Variants in RASSF8 observed in about 807,000 individuals in gnomAD.
RASSF8 encodes Ras association domain family member 8, also known as ras association domain-containing protein 8.
Under a neutral mutation model 48.5 loss-of-function variants are expected in RASSF8, and 22 were observed. That is an observed-to-expected ratio of 0.45 (90% CI 0.32 to 0.65). The LOEUF is 0.65. RASSF8 is among the 30% of genes least tolerant of loss of function. The probability of loss-of-function intolerance (pLI) is 0.03; values close to 1 mark genes in which losing one functional copy is unlikely to be tolerated. For missense variants in RASSF8, 418 were observed against 489.2 expected, an observed-to-expected ratio of 0.85 and a Z score of 1.37; for synonymous variants, 127 against 171.5, an observed-to-expected ratio of 0.74 and a Z score of 2.03.
At chr12:26,037,364 C>G (rs1243567224) in intron 2 of RASSF8, among the ~76,000 whole-genome samples, 1 of 152,270 alleles carries the variant, frequency 6.6e-6, no homozygotes, top group East Asian at 1.9e-4. Context: ...CTTTGGTACA[C>G]TCTTTAAAAA....
chr12:26,022,178 C>T (rs1200386918), intron 2 of RASSF8, among the ~76,000 whole-genome samples: 1 of 152,052 alleles, frequency 6.6e-6, no homozygotes, highest in Admixed American at 6.5e-5. Context: ...CAAAGCTGAG[C>T]GGGATACCAG....
Position 26,069,372 on chromosome 12 carries a change from A to G in RASSF8, c.*554A>G. The G allele has an allele frequency of 1.0e-6, 1 of 985,094 alleles. No individual in the cohort carries two copies. Among genetic ancestry groups the G allele is most frequent in the Non-Finnish European group, 1.2e-6 (1 of 829,618 alleles). 61.0% of individuals were successfully genotyped at this position (985,094 alleles called of 1,614,324 possible). A position where few individuals can be genotyped will look rare whatever the true frequency, so the allele number is the denominator to read the frequency against. ...GCTAACTCCACAGGAAGCCACTTGC[A>G]TTTGTTTTGTGAAACTGTCCTAGCC... On this transcript the variant is annotated 3_prime_UTR_variant, in exon 6 of 6. Coordinates refer to ENST00000689635, the MANE Select transcript of RASSF8 (RefSeq NM_001394098.1).
At chr12:26,063,898 G>A (rs1390615487) in intron 3 of RASSF8, among the ~76,000 whole-genome samples, 1 of 152,150 alleles carries the variant, frequency 6.6e-6, no homozygotes, top group Non-Finnish European at 1.5e-5. Context: ...TGTCAGCTGT[G>A]TGAGCGATGG....
At position 25,975,834 on chromosome 12, in the gene RASSF8, G is replaced by T. The variant is rs188915817; in HGVS notation, c.-203+16686G>T. ...GGCATAAAGGTGGATGAGAGGTGAT[G>T]GGGTGCCCTAGGGAGAGGCCACCAC... On this transcript the variant is annotated intron_variant, in intron 1 of 5. Coordinates refer to ENST00000689635, the MANE Select transcript of RASSF8 (RefSeq NM_001394098.1). Among the ~76,000 whole-genome samples, 38 of 152,278 alleles carry T rather than the reference G, an allele frequency of 2.5e-4. 2 individuals carry two copies. In the East Asian group the frequency reaches 7.1e-3, roughly 29 times the overall value.
At chr12:26,049,151 A>G (rs1943437714) in intron 2 of RASSF8, among the ~76,000 whole-genome samples, 1 of 152,226 alleles carries the variant, frequency 6.6e-6, no homozygotes, top group South Asian at 2.1e-4. Context: ...TAGATGTCAC[A>G]GAAGAATTCA....
intron 1 of RASSF8, among the ~76,000 whole-genome samples, chr12:25,970,385 C>A (rs1434311805): frequency 6.6e-6 from 1 of 152,090 alleles, no homozygotes; most frequent in African/African-American, 2.4e-5. Context: ...GACCATTATC[C>A]ATCTTACTCT....
rs1944001580 is a variant in RASSF8, at chr12:26,071,578, A to C, written c.*2760A>C. 1 of 984,288 alleles carries C rather than the reference A, an allele frequency of 1.0e-6. No homozygotes were observed. Among genetic ancestry groups the C allele is most frequent in the Non-Finnish European group, 1.2e-6 (1 of 829,038 alleles). 61.0% of individuals were successfully genotyped at this position (984,288 alleles called of 1,614,324 possible). On this transcript the variant is annotated 3_prime_UTR_variant, in exon 6 of 6. Transcript: ENST00000689635. ...GGCCCATAGTGTGTTGCCTGTGGACATAGTGTCCATAGTCCCTTTCTTGTC... is the reference window on the plus strand; with the variant it reads ...GGCCCATAGTGTGTTGCCTGTGGACCTAGTGTCCATAGTCCCTTTCTTGTC...
chr12:26,059,237 G>A (rs1453814907), intron 3 of RASSF8, among the ~76,000 whole-genome samples: 3 of 152,178 alleles, frequency 2.0e-5, no homozygotes, highest in Non-Finnish European at 4.4e-5. Context: ...CAAAAGATGA[G>A]AGAGGAAAGA....
intron 2 of RASSF8, among the ~76,000 whole-genome samples, chr12:26,032,246 T>C (rs1191040940): frequency 1.3e-5 from 2 of 152,338 alleles, no homozygotes; most frequent in East Asian, 3.9e-4. Context: ...AAAAAGTTTA[T>C]GGGAATATTG....
intron 2 of RASSF8, among the ~76,000 whole-genome samples, chr12:26,005,659 C>A (rs935740688): frequency 6.6e-6 from 1 of 152,170 alleles, no homozygotes; most frequent in Non-Finnish European, 1.5e-5. Context: ...TGAAACCCAT[C>A]GTTTCTGCCT....
intron 1 of RASSF8, among the ~76,000 whole-genome samples, chr12:25,964,115 G>A (rs994145198): frequency 6.6e-5 from 10 of 152,202 alleles, no homozygotes; most frequent in Non-Finnish European, 1.3e-4. Flanking sequence ...CTGTGGAGGA[G>A]AGGAAAGTTA....
chr12:26,076,280 CT>C (rs1944071843), downstream of RASSF8, among the ~76,000 whole-genome samples: 1 of 147,148 alleles, frequency 6.8e-6, no homozygotes, highest in Non-Finnish European at 1.5e-5. Context: ...TTTAATTATA[CT>C]TTACTTTAAG....
At chr12:25,976,138 GT>G (rs1443794946) in intron 1 of RASSF8, among the ~76,000 whole-genome samples, 2 of 152,174 alleles carry the variant, frequency 1.3e-5, no homozygotes, top group Non-Finnish European at 2.9e-5. Flanking sequence ...ACCTAAGGCT[GT>G]TTCATGCCAA....
intron 1 of RASSF8, among the ~76,000 whole-genome samples, chr12:25,986,513 G>T (rs1941879192): frequency 6.6e-6 from 1 of 152,178 alleles, no homozygotes; most frequent in Non-Finnish European, 1.5e-5. Flanking sequence ...TGGTCCACTG[G>T]ACTATCAGGA....
intron 2 of RASSF8, among the ~76,000 whole-genome samples, chr12:26,008,740 G>C (rs1942453641): frequency 6.6e-6 from 1 of 152,134 alleles, no homozygotes; most frequent in African/African-American, 2.4e-5. Context: ...CTTCTGTTTA[G>C]GCATATTGCA....
chr12:26,034,262 G>A (rs1188297377), intron 2 of RASSF8, among the ~76,000 whole-genome samples: 1 of 152,102 alleles, frequency 6.6e-6, no homozygotes, highest in East Asian at 1.9e-4. Context: ...ATGTGTCAAT[G>A]TCCCTAAGTC....
intron 2 of RASSF8, among the ~76,000 whole-genome samples, chr12:26,012,117 CTGAAT>C (rs1942541584): frequency 6.6e-6 from 1 of 152,066 alleles, no homozygotes; most frequent in East Asian, 1.9e-4. Flanking sequence ...TCCAGAATGC[CTGAAT>C]TGAAGTCTCG....
intron 1 of RASSF8, among the ~76,000 whole-genome samples, chr12:25,974,527 A>G (rs184296403): frequency 1.3e-5 from 2 of 151,168 alleles, no homozygotes; most frequent in Admixed American, 6.6e-5. Context: ...CCATAGCACT[A>G]TACTAGCAGA....
Position 26,035,036 on chromosome 12 carries a change from A to G in RASSF8, c.-108-20200A>G, listed in dbSNP as rs188839283. 2.0e-4 allele frequency among the ~76,000 whole-genome samples: 31 copies of G among 152,274 alleles called. No individual in the cohort carries two copies. The East Asian group carries it at 3.7e-3, about 18-fold the overall frequency. On this transcript the variant is annotated intron_variant, in intron 2 of 5. Coordinates refer to ENST00000689635, the MANE Select transcript of RASSF8 (RefSeq NM_001394098.1). The stretch of plus-strand genomic sequence containing the variant: ...GGTGATTACTCTGGTGTTGCCCTAT[A>G]AACTTTAATAGACGTTTTTCCAGTT...
Sources: gnomAD v4.1 joint callset for allele counts (sites outside exome capture counted in the v4.1 genomes callset) on GRCh38, gnomAD v4.1.1 for gene constraint, MANE v1.5 for transcripts, NCBI Gene and HGNC (gene_info 2026-07-23, HGNC 2026-07-21) for gene names.